The following STK3 variants were observed in gnomAD, a reference collection of about 807,000 sequenced individuals.
STK3 encodes the protein serine/threonine-protein kinase 3.
A neutral mutation model predicts 58.0 loss-of-function variants in STK3; 41 were observed. The observed-to-expected ratio is 0.71, with a 90% confidence interval of 0.55 to 0.92. The LOEUF (loss-of-function observed/expected upper bound fraction) is 0.92. STK3 is among the 40% of genes least tolerant of loss of function. The pLI, the probability that STK3 is intolerant of heterozygous loss-of-function variation, is 0.00. For synonymous variants in STK3, 170 were observed against 191.0 expected (o/e 0.89, Z 0.91); for missense variants, 479 against 602.7 (o/e 0.79, Z 2.15).
chr8:98,664,270 C>CA (rs937280507), intron 6 of STK3, among the ~76,000 whole-genome samples: 7 of 151,342 alleles, frequency 4.6e-5, no homozygotes, highest in African/African-American at 7.3e-5. Context: ...TAACCACCAC[C>CA]AAAAAAAAGG....
At chr8:98,457,754 A>C (rs560515531) in intron 10 of STK3, among the ~76,000 whole-genome samples, 1 of 152,344 alleles carries the variant, frequency 6.6e-6, no homozygotes, top group East Asian at 1.9e-4. Flanking sequence ...TAAGATCAGA[A>C]GAACTAACAT....
At chr8:98,706,440 A>G (rs758524133) in intron 6 of STK3, 27 bp downstream of exon 6, 2 of 1,592,688 alleles carry the variant, frequency 1.3e-6, no homozygotes, top group African/African-American at 2.7e-5. Flanking sequence ...TAAGGCTAAC[A>G]TTTTCAGCAA....
chr8:98,654,290 A>T (rs1186042516), intron 6 of STK3, among the ~76,000 whole-genome samples: 1 of 152,350 alleles, frequency 6.6e-6, no homozygotes, highest in South Asian at 2.1e-4. Context: ...ACAATCCTTC[A>T]TGCTAAAAAC....
chr8:98,867,155 G>A (rs142301780), intron 3 of STK3, among the ~76,000 whole-genome samples: 2 of 152,320 alleles, frequency 1.3e-5, no homozygotes, highest in East Asian at 3.9e-4. Context: ...AGTGGTTCAT[G>A]TCTATAATCC....
At chr8:98,439,445 A>T (rs1818613156) in intron 1 of STK3, among the ~76,000 whole-genome samples, 1 of 152,208 alleles carries the variant, frequency 6.6e-6, no homozygotes, top group African/African-American at 2.4e-5. Flanking sequence ...ATTGGAAGGG[A>T]CAGCTTTCCT....
intron 4 of STK3, among the ~76,000 whole-genome samples, chr8:98,742,979 A>T (rs1376587845): frequency 6.6e-6 from 1 of 151,988 alleles, no homozygotes; most frequent in African/African-American, 2.4e-5. Flanking sequence ...TCCCATTCAC[A>T]ATTGCTTCAA....
intron 1 of STK3, among the ~76,000 whole-genome samples, chr8:98,903,395 A>T (rs1212431098): frequency 6.6e-6 from 1 of 152,086 alleles, no homozygotes; most frequent in African/African-American, 2.4e-5. Flanking sequence ...CCCAGAAGAG[A>T]ATGCTCTTTT....
the STK3 span, among the ~76,000 whole-genome samples, chr8:98,359,333 C>A: frequency 8.1e-6 from 1 of 122,802 alleles, no homozygotes; most frequent in South Asian, 2.6e-4. Context: ...CATGGTGAAA[C>A]CCATCTCAAC....
At chr8:98,717,945 A>G (rs1827136988) in intron 4 of STK3, among the ~76,000 whole-genome samples, 1 of 152,180 alleles carries the variant, frequency 6.6e-6, no homozygotes, top group South Asian at 2.1e-4. Context: ...TAAGTCGGTC[A>G]CAAAAAAAGG....
chr8:98,734,412 C>A (rs190021434), intron 4 of STK3, among the ~76,000 whole-genome samples: 104 of 152,252 alleles, frequency 6.8e-4, no homozygotes, highest in Middle Eastern at 3.4e-3. Context: ...TGGGTTCATG[C>A]CGTTTCTCCT....
intron 3 of STK3, among the ~76,000 whole-genome samples, chr8:98,852,384 C>T (rs1200117545): frequency 6.6e-6 from 1 of 152,082 alleles, no homozygotes; most frequent in Non-Finnish European, 1.5e-5. Flanking sequence ...TCCACTCACC[C>T]TGGCCTACCA....
intron 6 of STK3, among the ~76,000 whole-genome samples, chr8:98,641,643 TAAA>T (rs1820027102): frequency 6.6e-6 from 1 of 152,150 alleles, no homozygotes; most frequent in Non-Finnish European, 1.5e-5. Context: ...ACCCCTTACT[TAAA>T]GAAGATTTAA....
At chr8:98,901,008 A>G (rs1449659889) in intron 1 of STK3, among the ~76,000 whole-genome samples, 2 of 152,214 alleles carry the variant, frequency 1.3e-5, no homozygotes, top group Non-Finnish European at 2.9e-5. Context: ...CATAAATATG[A>G]ATATCATAAA....
intron 6 of STK3, chr8:98,633,907 A>C: frequency 3.3e-6 from 1 of 305,556 alleles, no homozygotes; most frequent in Admixed American, 4.4e-5. Context: ...TAAGTTGTCA[A>C]GGGTTAGCTG....
chr8:98,512,075 C>T (rs1414842373), intron 10 of STK3, among the ~76,000 whole-genome samples: 3 of 151,944 alleles, frequency 2.0e-5, no homozygotes, highest in African/African-American at 7.3e-5. Context: ...CACCCATTAA[C>T]TCGTCATTTA....
chr8:98,577,141 CTTCTGTGGAGGTAACTGA>C (rs1401464646), intron 8 of STK3, among the ~76,000 whole-genome samples: 1 of 152,124 alleles, frequency 6.6e-6, no homozygotes, highest in Non-Finnish European at 1.5e-5. Flanking sequence ...AACATAGTTG[CTTCTGTGGAGGTAACTGA>C]TTCTTAGAGC....
At chr8:98,564,380 A>G (rs1212492961) in intron 8 of STK3, among the ~76,000 whole-genome samples, 1 of 152,146 alleles carries the variant, frequency 6.6e-6, no homozygotes, top group Non-Finnish European at 1.5e-5. Context: ...TTTATGGTAT[A>G]TACATACCAT....
At chr8:98,743,979 A>G (rs1277682738) in intron 4 of STK3, among the ~76,000 whole-genome samples, 2 of 152,130 alleles carry the variant, frequency 1.3e-5, no homozygotes, top group Non-Finnish European at 2.9e-5. Context: ...CACATGAGAA[A>G]ATGCTCACCA....
intron 10 of STK3, among the ~76,000 whole-genome samples, chr8:98,515,684 C>T (rs1290279461): frequency 6.6e-6 from 1 of 151,940 alleles, no homozygotes; most frequent in African/African-American, 2.4e-5. Flanking sequence ...TTTTGCTCTA[C>T]CACCTACAAG....
Sources: allele counts gnomAD v4.1 joint callset (sites outside exome capture counted in the v4.1 genomes callset), GRCh38; gene constraint gnomAD v4.1.1; transcripts MANE v1.5; gene names NCBI Gene and HGNC (gene_info 2026-07-23, HGNC 2026-07-21).